Variants in SDCCAG8 observed in about 807,000 individuals in gnomAD.
SDCCAG8 encodes SHH signaling and ciliogenesis regulator SDCCAG8.
SDCCAG8 carries 74 observed loss-of-function variants against 101.8 expected under a neutral mutation model. The ratio of observed to expected loss-of-function variants is 0.73; its 90% CI spans 0.60 to 0.88. The LOEUF (loss-of-function observed/expected upper bound fraction) is 0.88, where lower values mean the gene tolerates loss of function less well. Ranked by LOEUF, SDCCAG8 falls within the 40% of genes least tolerant of loss-of-function variation. SDCCAG8 has a pLI of 0.00. For synonymous variants in SDCCAG8, 281 were observed against 292.9 expected, an observed-to-expected ratio of 0.96 and a Z score of 0.41; for missense variants, 787 against 822.6, an observed-to-expected ratio of 0.96 and a Z score of 0.53.
chr1:243,441,142 G>C (rs1184286364), intron 16 of SDCCAG8, among the ~76,000 whole-genome samples: 1 of 152,140 alleles, frequency 6.6e-6, no homozygotes, highest in African/African-American at 2.4e-5. Context: ...AGAGGCTTTT[G>C]AGTCACTCTT....
intron 16 of SDCCAG8, among the ~76,000 whole-genome samples, chr1:243,487,099 T>C (rs1665077191): frequency 6.6e-6 from 1 of 152,186 alleles, no homozygotes; most frequent in South Asian, 2.1e-4. Context: ...GCTGTTACCA[T>C]CTCTGTCTCT....
chr1:243,335,334 G>A lies in SDCCAG8; in HGVS notation c.1221+4642G>A, dbSNP rs547224454. Among the ~76,000 whole-genome samples, 11 of 152,276 alleles carry A rather than the reference G, an allele frequency of 7.2e-5. No homozygotes were observed. In the East Asian group the frequency reaches 7.7e-4, roughly 11 times the overall value. On this transcript the variant is annotated intron_variant, in intron 10 of 17. Transcript: ENST00000366541. Reference sequence around the variant, plus strand: ...AGACATGGAAGGGAGATGAAGTTGCGAATTGAGTGTTGTGTGAGAGAGAAT... The same window carrying A: ...AGACATGGAAGGGAGATGAAGTTGCAAATTGAGTGTTGTGTGAGAGAGAAT...
intron 5 of SDCCAG8, among the ~76,000 whole-genome samples, chr1:243,288,596 G>C (rs1360452354): frequency 6.6e-6 from 1 of 152,126 alleles, no homozygotes; most frequent in Admixed American, 6.6e-5. Context: ...TCTTCTTTTG[G>C]GGGGAAGGGG....
chr1:243,361,032 T>A (rs1307495868), intron 12 of SDCCAG8, among the ~76,000 whole-genome samples: 1 of 152,116 alleles, frequency 6.6e-6, no homozygotes, highest in Admixed American at 6.5e-5. Flanking sequence ...GTCATTTTCG[T>A]TTGGGCCTGT....
intron 9 of SDCCAG8, among the ~76,000 whole-genome samples, chr1:243,323,222 TC>T (rs1346652284): frequency 6.6e-6 from 1 of 152,080 alleles, no homozygotes; most frequent in Non-Finnish European, 1.5e-5. Flanking sequence ...ACAATTCTTT[TC>T]TCTGCAGTTG....
chr1:243,303,155 A>G (rs2071709904), intron 6 of SDCCAG8, among the ~76,000 whole-genome samples: 5 of 152,204 alleles, frequency 3.3e-5, no homozygotes, highest in Admixed American at 3.3e-4. Context: ...GATGGAGATG[A>G]GTGCTCCTGA....
At chr1:243,488,679 A>G (rs1186081699) in intron 16 of SDCCAG8, among the ~76,000 whole-genome samples, 2 of 152,184 alleles carry the variant, frequency 1.3e-5, no homozygotes, top group African/African-American at 4.8e-5. Flanking sequence ...AGACCTTTCC[A>G]GCTGAACAAT....
rs185663727 is a variant in SDCCAG8 at position 243,464,664 on chromosome 1, C to T, written c.1986-24350C>T. Among the ~76,000 whole-genome samples, 249 of 152,314 alleles carry T rather than the reference C, an allele frequency of 1.6e-3. 3 individuals carry two copies. Among genetic ancestry groups the T allele is most frequent in the Non-Finnish European group, 1.1e-3 (75 of 68,030 alleles). Reference sequence around the variant, plus strand: ...TTTCATCAGAAAAATCTCAAGCCTTCGCAGACTAACTAAGCTGCACAACAC... The same window carrying T: ...TTTCATCAGAAAAATCTCAAGCCTTTGCAGACTAACTAAGCTGCACAACAC... On this transcript the variant is annotated intron_variant, in intron 16 of 17. Transcript: ENST00000366541.
At chr1:243,492,877 C>G (rs1666914754) in intron 17 of SDCCAG8, among the ~76,000 whole-genome samples, 1 of 152,028 alleles carries the variant, frequency 6.6e-6, no homozygotes. Context: ...AAAGTGCTGG[C>G]ATTACAGGCA....
chr1:243,273,599 A>C (rs1412978888), intron 3 of SDCCAG8, among the ~76,000 whole-genome samples: 2 of 152,220 alleles, frequency 1.3e-5, no homozygotes, highest in African/African-American at 4.8e-5. Flanking sequence ...TACTAGAGCC[A>C]AAAATCAAAA....
At chr1:243,338,206 T>G (rs1156575102) in intron 10 of SDCCAG8, among the ~76,000 whole-genome samples, 1 of 152,152 alleles carries the variant, frequency 6.6e-6, no homozygotes, top group Non-Finnish European at 1.5e-5. Flanking sequence ...TGAGCCACAG[T>G]GCCCGGCCTT....
At chr1:243,389,729 C>T (rs546770339) in intron 13 of SDCCAG8, among the ~76,000 whole-genome samples, 4 of 152,210 alleles carry the variant, frequency 2.6e-5, no homozygotes, top group African/African-American at 9.6e-5. Flanking sequence ...TCCAGCAAGC[C>T]TAAGAAAAAA....
intron 6 of SDCCAG8, among the ~76,000 whole-genome samples, chr1:243,301,428 A>G (rs992694952): frequency 6.6e-6 from 1 of 152,140 alleles, no homozygotes. Flanking sequence ...GGCCCATGCA[A>G]AGTGCCACTA....
intron 16 of SDCCAG8, among the ~76,000 whole-genome samples, chr1:243,448,277 A>G (rs2083083905): frequency 6.6e-6 from 1 of 152,152 alleles, no homozygotes; most frequent in Non-Finnish European, 1.5e-5. Context: ...AAACAAGGAG[A>G]GTAAACATCT....
intron 13 of SDCCAG8, among the ~76,000 whole-genome samples, chr1:243,392,106 A>C (rs1241518107): frequency 6.6e-6 from 1 of 152,190 alleles, no homozygotes; most frequent in Non-Finnish European, 1.5e-5. Flanking sequence ...TTTTATGAGG[A>C]TATATATGAG....
At chr1:243,369,593 A>T (rs1034276966) in intron 12 of SDCCAG8, among the ~76,000 whole-genome samples, 1 of 152,166 alleles carries the variant, frequency 6.6e-6, no homozygotes, top group African/African-American at 2.4e-5. Context: ...GGGTGATAAG[A>T]GATTGCATCT....
intron 13 of SDCCAG8, among the ~76,000 whole-genome samples, chr1:243,397,414 C>T (rs1476251919): frequency 2.0e-5 from 3 of 152,016 alleles, no homozygotes; most frequent in Non-Finnish European, 4.4e-5. Context: ...TTTTTTCCAG[C>T]CAGAAGCTCC....
chr1:243,428,923 G>GT (rs1396964921), intron 16 of SDCCAG8, among the ~76,000 whole-genome samples: 2 of 152,190 alleles, frequency 1.3e-5, no homozygotes, highest in African/African-American at 4.8e-5. Context: ...CATGTGAACA[G>GT]TTTCTCTCTC....
chr1:243,310,861 A>G (rs1345443787), intron 8 of SDCCAG8, among the ~76,000 whole-genome samples: 1 of 152,250 alleles, frequency 6.6e-6, no homozygotes, highest in Non-Finnish European at 1.5e-5. Context: ...TATTTATTCT[A>G]TTAGTATTTG....
Sources: gnomAD v4.1 joint callset for allele counts (sites outside exome capture counted in the v4.1 genomes callset) on GRCh38, gnomAD v4.1.1 for gene constraint, MANE v1.5 for transcripts, NCBI Gene and HGNC (gene_info 2026-07-23, HGNC 2026-07-21) for gene names.